The following NTM variants were observed in gnomAD, a reference collection of about 807,000 sequenced individuals.
NTM encodes the protein IgLON family member 2.
A neutral mutation model predicts 42.1 loss-of-function variants in NTM; 13 were observed. The ratio of observed to expected loss-of-function variants is 0.31; its 90% confidence interval spans 0.20 to 0.49. NTM has a LOEUF of 0.49. Among genes scored for constraint, NTM ranks in the 20% least tolerant of loss-of-function variants. NTM has a pLI of 0.99. For synonymous variants in NTM, 187 were observed against 179.2 expected (o/e 1.04, Z -0.35); for missense variants, 373 against 452.8 (o/e 0.82, Z 1.60).
intron 1 of NTM, among the ~76,000 whole-genome samples, chr11:131,399,426 TG>T (rs1488100445): frequency 6.6e-6 from 1 of 152,222 alleles, no homozygotes; most frequent in East Asian, 1.9e-4. Flanking sequence ...ATTTGCTGAC[TG>T]CCTTCTAGGT....
intron 1 of NTM, among the ~76,000 whole-genome samples, chr11:131,546,418 G>A (rs543272754): frequency 3.9e-5 from 6 of 152,218 alleles, no homozygotes; most frequent in South Asian, 2.1e-4. Flanking sequence ...GCATCCCATC[G>A]CAAGAGACCT....
chr11:131,494,901 T>C (rs1955173559), intron 1 of NTM, among the ~76,000 whole-genome samples: 1 of 152,220 alleles, frequency 6.6e-6, no homozygotes, highest in African/African-American at 2.4e-5. Flanking sequence ...TCTCTCCCTC[T>C]CTTCCTCCCA....
rs185869006 is a variant in NTM, at chr11:132,248,108, C to A, written c.526+35961C>A. On this transcript the variant is annotated intron_variant, in intron 4 of 8. Transcript: ENST00000683400. Reference sequence around the variant, plus strand: ...GTTCTTGTCTGATGAATCTTTAATTCTACCCCTTGTGACTCAGAACTCCTG... The same window carrying A: ...GTTCTTGTCTGATGAATCTTTAATTATACCCCTTGTGACTCAGAACTCCTG... Among the ~76,000 whole-genome samples, 9 of 152,330 alleles carry A rather than the reference C, an allele frequency of 5.9e-5. No homozygotes were observed. The East Asian group carries it at 1.7e-3, about 29-fold the overall frequency.
At chr11:131,690,463 C>T (rs1366614487) in intron 1 of NTM, among the ~76,000 whole-genome samples, 1 of 152,094 alleles carries the variant, frequency 6.6e-6, no homozygotes, top group East Asian at 1.9e-4. Flanking sequence ...AGATGCTGCA[C>T]GGGCTCAGCG....
chr11:131,943,875 T>G lies in NTM; in HGVS notation c.167+32227T>G, dbSNP rs182214652. Among the ~76,000 whole-genome samples the G allele has an allele frequency of 2.0e-3, 302 of 152,188 alleles. 11 individuals are homozygous for G. In the South Asian group the frequency reaches 0.04, roughly 20 times the overall value. On this transcript the variant is annotated intron_variant, in intron 2 of 8. Coordinates refer to ENST00000683400, the MANE Select transcript of NTM (RefSeq NM_001352005.2). ...CATGGTGACAGCCCGAGTTGCTCTC[T>G]TAGAGCCTGGCAGACATTCTAATTC...
chr11:132,101,837 A>C (rs979755262), intron 2 of NTM, among the ~76,000 whole-genome samples: 2 of 152,184 alleles, frequency 1.3e-5, no homozygotes, highest in African/African-American at 4.8e-5. Flanking sequence ...TGCATCTTCA[A>C]ATCTTCCACA....
chr11:132,282,532 C>T (rs3099785), intron 4 of NTM, among the ~76,000 whole-genome samples: 78,038 of 151,986 alleles, frequency 0.51, 21,373 homozygotes, highest in Non-Finnish European at 0.62. Flanking sequence ...AACAGAAATA[C>T]GCTCCCCGAG....
At chr11:131,746,510 G>T in intron 1 of NTM, among the ~76,000 whole-genome samples, 1 of 152,276 alleles carries the variant, frequency 6.6e-6, no homozygotes, top group Middle Eastern at 3.4e-3. Context: ...TATGTTCCCA[G>T]GCACTAAGTT....
chr11:131,957,048 C>T (rs1420765678), intron 2 of NTM, among the ~76,000 whole-genome samples: 1 of 152,214 alleles, frequency 6.6e-6, no homozygotes, highest in Non-Finnish European at 1.5e-5. Context: ...GGAATATCAT[C>T]TCTAATATGC....
At chr11:131,515,532 C>T (rs189127673) in intron 1 of NTM, among the ~76,000 whole-genome samples, 46 of 152,290 alleles carry the variant, frequency 3.0e-4, no homozygotes, top group African/African-American at 9.9e-4. Flanking sequence ...ATGGACTCCC[C>T]TGTCCAGAAA....
chr11:131,980,214 C>G (rs34167030), intron 2 of NTM, among the ~76,000 whole-genome samples: 18,521 of 152,152 alleles, frequency 0.12, 1,312 homozygotes, highest in South Asian at 0.19. Context: ...TCATTTTTCC[C>G]GGATTGGTAG....
intron 1 of NTM, among the ~76,000 whole-genome samples, chr11:131,595,047 C>T (rs569382902): frequency 6.6e-5 from 10 of 152,276 alleles, no homozygotes; most frequent in African/African-American, 1.9e-4. Flanking sequence ...AATGCTTAGC[C>T]CAGTGTCTAA....
At chr11:131,865,541 C>T (rs939095622) in intron 1 of NTM, among the ~76,000 whole-genome samples, 1 of 152,190 alleles carries the variant, frequency 6.6e-6, no homozygotes, top group African/African-American at 2.4e-5. Flanking sequence ...GCAAACAGAA[C>T]AATGCTAGCA....
chr11:132,150,378 A>T (rs1301402569), intron 3 of NTM, among the ~76,000 whole-genome samples: 2 of 152,000 alleles, frequency 1.3e-5, no homozygotes, highest in Admixed American at 6.6e-5. Flanking sequence ...AAACTACTGC[A>T]CTCCTGTGTT....
chr11:131,653,911 G>A (rs943951655), intron 1 of NTM, among the ~76,000 whole-genome samples: 3 of 152,232 alleles, frequency 2.0e-5, no homozygotes, highest in African/African-American at 7.2e-5. Context: ...TTATCAGGAA[G>A]GTGGGCAGGT....
chr11:131,834,723 G>A (rs899157326), intron 1 of NTM, among the ~76,000 whole-genome samples: 2 of 151,320 alleles, frequency 1.3e-5, no homozygotes, highest in Non-Finnish European at 2.9e-5. Flanking sequence ...GAGGCACAGA[G>A]GGATTATGTC....
chr11:131,459,503 A>AG (rs1209827133), intron 1 of NTM, among the ~76,000 whole-genome samples: 1 of 150,306 alleles, frequency 6.7e-6, no homozygotes, highest in Non-Finnish European at 1.5e-5. Context: ...GAAAGACTAT[A>AG]GAAAAAAAAG....
At chr11:131,744,522 C>T (rs1344800602) in intron 1 of NTM, among the ~76,000 whole-genome samples, 2 of 152,038 alleles carry the variant, frequency 1.3e-5, no homozygotes, top group Admixed American at 1.3e-4. Flanking sequence ...GCTGGCAATT[C>T]CCTTTTCAAG....
intron 2 of NTM, among the ~76,000 whole-genome samples, chr11:132,035,781 C>T (rs1268739600): frequency 6.6e-6 from 1 of 152,104 alleles, no homozygotes; most frequent in East Asian, 1.9e-4. Flanking sequence ...AGGATGCTGG[C>T]TGGGTAATGG....
Sources: allele counts gnomAD v4.1 joint callset (sites outside exome capture counted in the v4.1 genomes callset), GRCh38; gene constraint gnomAD v4.1.1; transcripts MANE v1.5; gene names NCBI Gene and HGNC (gene_info 2026-07-23, HGNC 2026-07-21).